The following ECT2L variants were observed in gnomAD, a reference collection of about 807,000 sequenced individuals.
ECT2L encodes epithelial cell transforming 2 like, also known as epithelial cell-transforming sequence 2 oncogene-like.
Under a neutral mutation model 122.8 loss-of-function variants are expected in ECT2L, and 126 were observed. The ratio of observed to expected loss-of-function variants is 1.03; its 90% CI spans 0.89 to 1.19. The LOEUF (loss-of-function observed/expected upper bound fraction) is 1.19, where lower values mean the gene tolerates loss of function less well. Ranked by LOEUF, ECT2L falls within the 50% of genes most tolerant of loss-of-function variation. ECT2L has a pLI of 0.00. For missense variants in ECT2L, 1,012 were observed against 1,064.1 expected (o/e 0.95, Z 0.68); for synonymous variants, 385 against 381.8 (o/e 1.01, Z -0.10).
chr6:138,868,739 G>T (rs898015770), intron 13 of ECT2L, among the ~76,000 whole-genome samples: 1 of 152,140 alleles, frequency 6.6e-6, no homozygotes, highest in African/African-American at 2.4e-5. Flanking sequence ...CAGATCCAAG[G>T]TTCTCTCTCA....
rs200518760 is a variant in ECT2L, at chr6:138,865,164, G to A, written c.1460G>A (p.Ser487Asn). ...TTCAAGGAACTGCAGAAGAGCATCA[G>A]TGGCAGGATGATAGGTAAGCAGTCT... The part of the protein sequence containing the change: ...PFFKELQKSI[S>N]GRMIGQFMFD... The change falls in exon 12 of 22, where the codon AGT becomes AAT. Residue 487 changes from serine (S) to asparagine (N), a missense_variant. Coordinates refer to ENST00000541398, the MANE Select transcript of ECT2L (RefSeq NM_001077706.3). The A allele has an allele frequency of 1.2e-4, 188 of 1,611,044 alleles. No individual in the cohort carries two copies. Among genetic ancestry groups the A allele is most frequent in the Non-Finnish European group, 1.6e-4 (185 of 1,177,860 alleles).
chr6:138,853,512 C>T (rs563586429), intron 9 of ECT2L, among the ~76,000 whole-genome samples: 15 of 152,174 alleles, frequency 9.9e-5, no homozygotes, highest in East Asian at 3.9e-4. Flanking sequence ...CCTGGGGATG[C>T]GGAGTTTCCA....
intron 10 of ECT2L, 72 bp downstream of exon 10, chr6:138,854,226 G>A: frequency 6.9e-7 from 1 of 1,458,796 alleles, no homozygotes. Context: ...AATTATTGAA[G>A]TGCCCCTGGG....
chr6:138,888,606 G>A lies in ECT2L; in HGVS notation c.2326-337G>A, dbSNP rs896503606. 8.6e-5 allele frequency among the ~76,000 whole-genome samples: 13 copies of A among 151,934 alleles called. 1 individual carries two copies. The South Asian group carries it at 1.2e-3, about 15-fold the overall frequency. On this transcript the variant is annotated intron_variant, in intron 19 of 21. Transcript: ENST00000541398. ...TGGGATTACAGGCATGAGCCACCGC[G>A]CCCAGCCTACTTCTTTTTCTTAATA...
intron 12 of ECT2L, among the ~76,000 whole-genome samples, chr6:138,865,726 C>CTTTGT (rs1778011559): frequency 6.6e-6 from 1 of 152,206 alleles, no homozygotes; most frequent in Non-Finnish European, 1.5e-5. Flanking sequence ...ACTTCCTCAA[C>CTTTGT]TTTGCATCTT....
intron 20 of ECT2L, among the ~76,000 whole-genome samples, chr6:138,900,335 C>T (rs1251514378): frequency 2.0e-5 from 3 of 152,076 alleles, no homozygotes; most frequent in African/African-American, 7.2e-5. Flanking sequence ...CAATCTCTGA[C>T]TCCCAGGTTC....
Position 138,854,136 on chromosome 6 carries a change from G to T in ECT2L, c.1180G>T (p.Val394Leu). ...AGAAGGGGGTCACGTGGACTTCTTC[G>T]TGCCCCTTGGAGCATCAGGTTAGCT... ...EEEGGHVDFF[V>L]PLGASEAGIE... Residue 394 changes from valine (V) to leucine (L), a missense_variant, in exon 10 of 22, where the codon GTG becomes TTG. Coordinates refer to ENST00000541398, the MANE Select transcript of ECT2L (RefSeq NM_001077706.3). The T allele has an allele frequency of 6.2e-7, 1 of 1,613,900 alleles. No individual in the cohort carries two copies. Among genetic ancestry groups the T allele is most frequent in the Middle Eastern group, 1.6e-4 (1 of 6,062 alleles).
chr6:138,859,106 T>C (rs1483447594), intron 10 of ECT2L, among the ~76,000 whole-genome samples: 1 of 152,220 alleles, frequency 6.6e-6, no homozygotes, highest in Non-Finnish European at 1.5e-5. Context: ...TGTTCCAATT[T>C]TAGTATATGT....
chr6:138,838,609 C>T, intron 5 of ECT2L, 95 bp downstream of exon 5: 1 of 1,219,502 alleles, frequency 8.2e-7, no homozygotes, highest in Admixed American at 3.1e-5. Flanking sequence ...AAGACAATAG[C>T]TGAGGGTACC....
At chr6:138,835,841 G>C (rs1238609874) in intron 4 of ECT2L, among the ~76,000 whole-genome samples, 2 of 152,162 alleles carry the variant, frequency 1.3e-5, no homozygotes, top group Non-Finnish European at 2.9e-5. Context: ...ATTTGGTCCA[G>C]AATCCAGCCC....
chr6:138,846,454 G>A (rs1401433913), intron 7 of ECT2L, 85 bp from the exon 8 acceptor site: 1 of 1,335,098 alleles, frequency 7.5e-7, no homozygotes, highest in Non-Finnish European at 1.0e-6. Flanking sequence ...GAGTAGAGCT[G>A]ATGCCCAGAG....
intron 10 of ECT2L, among the ~76,000 whole-genome samples, chr6:138,855,179 T>C (rs185250579): frequency 1.5e-4 from 23 of 151,844 alleles, no homozygotes; most frequent in Admixed American, 1.2e-3. Flanking sequence ...ATTATATTTA[T>C]ATACATATAT....
At chr6:138,854,278 C>A in intron 10 of ECT2L, 124 bp downstream of exon 10, 1 of 1,177,678 alleles carries the variant, frequency 8.5e-7, no homozygotes, top group Non-Finnish European at 1.2e-6. Flanking sequence ...TTTCTTTTTT[C>A]TTTGTACTTC....
chr6:138,864,977 C>T lies in ECT2L; in HGVS notation c.1292-19C>T. On this transcript the variant is annotated intron_variant, in intron 11 of 21. Coordinates refer to ENST00000541398, the MANE Select transcript of ECT2L (RefSeq NM_001077706.3). Reference sequence around the variant, plus strand: ...TCTGAGCTCAAGCCTGCAATAATAACAGAAGAAAATCATGTCAGTTCTTAG... The same window carrying T: ...TCTGAGCTCAAGCCTGCAATAATAATAGAAGAAAATCATGTCAGTTCTTAG... 1 of 1,600,066 alleles carries T rather than the reference C, an allele frequency of 6.2e-7. No homozygotes were observed. The highest frequency in any genetic ancestry group is 1.3e-5 in the African/African-American group (1 of 74,496).
intron 4 of ECT2L, among the ~76,000 whole-genome samples, chr6:138,818,645 G>C (rs1776150335): frequency 6.6e-6 from 1 of 152,206 alleles, no homozygotes; most frequent in Admixed American, 6.5e-5. Context: ...AGGGACTGCT[G>C]CATGGGGTCA....
rs1778803896 is a variant in ECT2L, at chr6:138,885,833, T to G, written c.2259+3T>G. ...AATATAAAGGTTATATAGATCAGGT[T>G]GGTTGCTGATAAGAATCTGTGTCCT... On this transcript the variant is annotated splice_donor_region_variant and intron_variant, in intron 18 of 21. Transcript: ENST00000541398. The G allele has an allele frequency of 6.2e-7, 1 of 1,611,488 alleles. No homozygotes were observed. Among genetic ancestry groups the G allele is most frequent in the African/African-American group, 1.3e-5 (1 of 74,778 alleles).
intron 7 of ECT2L, among the ~76,000 whole-genome samples, chr6:138,845,314 C>T (rs1309620577): frequency 6.7e-6 from 1 of 150,208 alleles, no homozygotes; most frequent in Non-Finnish European, 1.5e-5. Flanking sequence ...ACAATCTCAG[C>T]TTACTGCAAA....
At chr6:138,801,022 G>A (rs1775525148) in intron 1 of ECT2L, among the ~76,000 whole-genome samples, 1 of 152,106 alleles carries the variant, frequency 6.6e-6, no homozygotes, top group Non-Finnish European at 1.5e-5. Context: ...GTGAAGCCTT[G>A]TAAGGGTCTG....
intron 4 of ECT2L, among the ~76,000 whole-genome samples, chr6:138,828,721 A>G (rs1312185561): frequency 6.6e-6 from 1 of 152,206 alleles, no homozygotes; most frequent in East Asian, 1.9e-4. Flanking sequence ...TAGAGTTCAT[A>G]CAGGAAAGAC....
Sources: allele counts gnomAD v4.1 joint callset (sites outside exome capture counted in the v4.1 genomes callset), GRCh38; gene constraint gnomAD v4.1.1; transcripts MANE v1.5; gene names NCBI Gene and HGNC (gene_info 2026-07-23, HGNC 2026-07-21).